Variants in LRRTM4 observed in about 807,000 individuals in gnomAD.
LRRTM4 encodes the protein leucine-rich repeat transmembrane neuronal protein 4.
In LRRTM4, 25 loss-of-function variants were observed where a neutral mutation model predicts 47.6. That is an observed-to-expected ratio of 0.53 (90% confidence interval 0.38 to 0.73). LRRTM4 has a LOEUF of 0.73. Ranked by LOEUF, LRRTM4 falls within the 30% of genes least tolerant of loss-of-function variation. The pLI is 0.00. For missense variants in LRRTM4, 638 were observed against 713.4 expected (o/e 0.89, Z 1.20); for synonymous variants, 311 against 269.5 (o/e 1.15, Z -1.51).
At chr2:76,851,828 C>T (rs1479272247) in intron 3 of LRRTM4, among the ~76,000 whole-genome samples, 1 of 145,178 alleles carries the variant, frequency 6.9e-6, no homozygotes, top group Non-Finnish European at 1.5e-5. Flanking sequence ...GCACTCTCTT[C>T]CAGAGATGAG....
intron 3 of LRRTM4, among the ~76,000 whole-genome samples, chr2:77,066,515 A>T (rs760775031): frequency 6.6e-6 from 1 of 152,238 alleles, no homozygotes; most frequent in South Asian, 2.1e-4. Context: ...AAAAACCCGT[A>T]TATTAATGAA....
intron 3 of LRRTM4, among the ~76,000 whole-genome samples, chr2:77,448,122 C>T (rs896673271): frequency 4.6e-5 from 7 of 152,136 alleles, no homozygotes; most frequent in East Asian, 1.9e-4. Context: ...TATCCACTCT[C>T]GAGGGGCTAG....
chr2:76,886,875 C>T lies in LRRTM4; in HGVS notation c.1552-137959G>A, dbSNP rs897389149. 1.3e-4 allele frequency among the ~76,000 whole-genome samples: 20 copies of T among 151,946 alleles called. No individual in the cohort carries two copies. The East Asian group carries it at 3.9e-3, about 29-fold the overall frequency. ...TATTTTATTTTGAGAGGGTATGTCT[C>T]TAAATGAAATATTGAGCACAAGACG... On this transcript the variant is annotated intron_variant, in intron 3 of 3. Coordinates refer to ENST00000409884, the MANE Select transcript of LRRTM4 (RefSeq NM_001134745.3).
chr2:77,052,534 T>A (rs1208955640), intron 3 of LRRTM4, among the ~76,000 whole-genome samples: 3 of 152,044 alleles, frequency 2.0e-5, no homozygotes, highest in Non-Finnish European at 4.4e-5. Flanking sequence ...GCCATGTTAC[T>A]CATCTAATAA....
At chr2:76,884,474 T>C (rs1477015346) in intron 3 of LRRTM4, among the ~76,000 whole-genome samples, 1 of 152,146 alleles carries the variant, frequency 6.6e-6, no homozygotes. Context: ...TATAATTACA[T>C]GTAAGTATCT....
At chr2:77,223,056 C>T (rs1360491559) in intron 3 of LRRTM4, among the ~76,000 whole-genome samples, 7 of 151,800 alleles carry the variant, frequency 4.6e-5, no homozygotes, top group Non-Finnish European at 7.4e-5. Context: ...GTTCAACATA[C>T]GAAAATCAAT....
intron 3 of LRRTM4, among the ~76,000 whole-genome samples, chr2:77,068,892 G>A (rs1680052315): frequency 6.6e-6 from 1 of 152,220 alleles, no homozygotes; most frequent in South Asian, 2.1e-4. Context: ...GGACCTCCCA[G>A]GGGTGAAAAC....
At position 77,518,816 on chromosome 2, in the gene LRRTM4, A is replaced by G. The variant is rs749985074; in HGVS notation, c.1053T>C (p.Ser351=). ...GPKHIQGEKV[S]DAVETYNICS... ...AGATATTATATGTTTCCACTGCATC[A>G]CTAACCTTTTCACCCTGGATGTGCT... The change falls in exon 3 of 4, where the codon AGT becomes AGC. Residue 351 remains serine, a synonymous_variant. Coordinates refer to ENST00000409884, the MANE Select transcript of LRRTM4 (RefSeq NM_001134745.3). The G allele has an allele frequency of 1.4e-5, 23 of 1,611,392 alleles. No individual in the cohort carries two copies. The highest frequency in any genetic ancestry group is 2.0e-5 in the Non-Finnish European group (23 of 1,178,664).
At chr2:77,286,549 T>C (rs1265722112) in intron 3 of LRRTM4, among the ~76,000 whole-genome samples, 2 of 151,796 alleles carry the variant, frequency 1.3e-5, no homozygotes, top group Non-Finnish European at 2.9e-5. Context: ...AAATGATTTT[T>C]TCTCAATTGG....
chr2:76,862,654 AAC>A (rs1205563144), intron 3 of LRRTM4, among the ~76,000 whole-genome samples: 2 of 152,128 alleles, frequency 1.3e-5, no homozygotes, highest in South Asian at 4.1e-4. Flanking sequence ...CACACACACA[AAC>A]ACACAGTGAT....
At chr2:76,788,632 G>A (rs940143787) in intron 3 of LRRTM4, among the ~76,000 whole-genome samples, 1 of 152,140 alleles carries the variant, frequency 6.6e-6, no homozygotes, top group African/African-American at 2.4e-5. Context: ...AAATTTAATG[G>A]TGACTTTTTA....
At chr2:77,305,935 T>C (rs1677258850) in intron 3 of LRRTM4, among the ~76,000 whole-genome samples, 1 of 152,148 alleles carries the variant, frequency 6.6e-6, no homozygotes, top group South Asian at 2.1e-4. Context: ...TAATAGTATG[T>C]ACATTTTTAT....
chr2:77,020,766 C>G (rs1678238853), intron 3 of LRRTM4, among the ~76,000 whole-genome samples: 1 of 152,128 alleles, frequency 6.6e-6, no homozygotes, highest in African/African-American at 2.4e-5. Context: ...TGGTATCTCT[C>G]AGCGTAGAGC....
rs755455436 is a variant in LRRTM4 at position 76,747,809 on chromosome 2, T to G, written c.*886A>C. 6.6e-6 allele frequency: 1 copy of G among 152,240 alleles called. No homozygotes were observed. The highest frequency in any genetic ancestry group is 1.5e-5 in the Non-Finnish European group (1 of 68,036). 9.4% of individuals were successfully genotyped at this position (152,240 alleles called of 1,614,324 possible). On this transcript the variant is annotated 3_prime_UTR_variant, in exon 4 of 4. Coordinates refer to ENST00000409884, the MANE Select transcript of LRRTM4 (RefSeq NM_001134745.3). ...ATTTAAAAAGCAATGTTACACATTA[T>G]CTTGTGTTTAGAAATTTGTCAGCTT...
intron 3 of LRRTM4, among the ~76,000 whole-genome samples, chr2:77,372,765 C>T (rs2103772976): frequency 6.6e-6 from 1 of 151,710 alleles, no homozygotes. Flanking sequence ...AAAATCACAT[C>T]ATATTAAATA....
chr2:76,786,932 A>G (rs115210377), intron 3 of LRRTM4, among the ~76,000 whole-genome samples: 2,652 of 152,214 alleles, frequency 0.017, 73 homozygotes, highest in African/African-American at 0.058. Flanking sequence ...TTGGCTGAAC[A>G]CAATGAAAAG....
Position 77,442,178 on chromosome 2 carries a change from A to C in LRRTM4, c.1551+76140T>G. On this transcript the variant is annotated intron_variant, in intron 3 of 3. Coordinates refer to ENST00000409884, the MANE Select transcript of LRRTM4 (RefSeq NM_001134745.3). ...TGCTAAGTGCAAAGGGGTTTTAAAA[A>C]TAGCTTAACTGATTTATTTCACCTG... is the stretch of plus-strand genomic sequence containing the variant. Among the ~76,000 whole-genome samples the C allele has an allele frequency of 1.3e-5, 2 of 152,196 alleles. 1 individual carries two copies. Among genetic ancestry groups the C allele is most frequent in the Non-Finnish European group, 2.9e-5 (2 of 68,034 alleles).
intron 3 of LRRTM4, among the ~76,000 whole-genome samples, chr2:77,017,619 C>T (rs901690322): frequency 6.6e-6 from 1 of 152,128 alleles, no homozygotes; most frequent in Non-Finnish European, 1.5e-5. Context: ...TTGATCACTC[C>T]TAGACATGGA....
At chr2:76,789,828 C>G (rs1258437948) in intron 3 of LRRTM4, among the ~76,000 whole-genome samples, 1 of 152,086 alleles carries the variant, frequency 6.6e-6, no homozygotes. Flanking sequence ...TTCCATATTT[C>G]CTGGGTGGGA....
Sources: allele counts gnomAD v4.1 joint callset (sites outside exome capture counted in the v4.1 genomes callset), GRCh38; gene constraint gnomAD v4.1.1; transcripts MANE v1.5; gene names NCBI Gene and HGNC (gene_info 2026-07-23, HGNC 2026-07-21).